BRIP1: variants seen among roughly 807,000 people sequenced by gnomAD.
BRIP1 encodes the protein Fanconi anemia group J protein.
Under a neutral mutation model 119.7 loss-of-function variants are expected in BRIP1, and 88 were observed. The observed-to-expected ratio is 0.74, with a 90% CI of 0.62 to 0.88. The LOEUF is 0.88. Among genes scored for constraint, BRIP1 ranks in the 40% least tolerant of loss-of-function variants. The probability of loss-of-function intolerance (pLI) is 0.00; values close to 1 mark genes in which losing one functional copy is unlikely to be tolerated. For missense variants in BRIP1, 1,259 were observed against 1,455.4 expected (o/e 0.87, Z 2.20); for synonymous variants, 443 against 496.5 (o/e 0.89, Z 1.43).
At position 61,824,283 on chromosome 17, in the gene BRIP1, A is replaced by G. The variant is rs2078372549; in HGVS notation, c.628-15526T>C. Among the ~76,000 whole-genome samples the G allele has an allele frequency of 1.3e-5, 2 of 151,802 alleles. No individual in the cohort carries two copies. Among genetic ancestry groups the G allele is most frequent in the Admixed American group, 1.3e-4 (2 of 15,284 alleles). ...AGCGACGGTTCCTATCAATAACCCA[A>G]TGAAGTTTCTTGCAGAAATAGAAAA... On this transcript the variant is annotated intron_variant, in intron 6 of 19. Transcript: ENST00000259008. The surrounding 1 kb of genome is among the most constrained non-coding windows in gnomAD (Gnocchi z 4.3).
At chr17:61,783,200 A>C (rs1256307429) in intron 11 of BRIP1, among the ~76,000 whole-genome samples, 3 of 152,224 alleles carry the variant, frequency 2.0e-5, no homozygotes, top group Non-Finnish European at 4.4e-5. Context: ...CATACAATGG[A>C]GTATTATTCA....
At chr17:61,784,869 G>A (rs1009116202) in intron 10 of BRIP1, among the ~76,000 whole-genome samples, 1 of 152,126 alleles carries the variant, frequency 6.6e-6, no homozygotes, top group African/African-American at 2.4e-5. Context: ...GCCATGCTTC[G>A]TACAAGCTGC....
chr17:61,801,327 G>A lies in BRIP1; in HGVS notation c.1066C>T (p.Arg356Ter), dbSNP rs730881633. Residue 356 changes from arginine (R) to a stop codon, truncating the protein, a stop_gained, in exon 8 of 20, where the codon CGA (arginine) becomes TGA (stop). Coordinates refer to ENST00000259008, the MANE Select transcript of BRIP1 (RefSeq NM_032043.3). LOFTEE classifies it high-confidence loss of function. ...ATGTCAGCATCTTGTATTAGTTCTC[G>A]GGCTGTGTAATATGGACAGGCCTTT... ...KLKACPYYTA[R>*]ELIQDADIIF... 8 of 1,613,808 alleles carry A rather than the reference G, an allele frequency of 5.0e-6. No homozygotes were observed. The highest frequency in any genetic ancestry group is 4.5e-5 in the East Asian group (2 of 44,886).
At chr17:61,839,794 A>G (rs2078630520) in intron 6 of BRIP1, among the ~76,000 whole-genome samples, 1 of 152,192 alleles carries the variant, frequency 6.6e-6, no homozygotes, top group South Asian at 2.1e-4. Context: ...ATACCACCTA[A>G]AGCCAAGGAA....
intron 4 of BRIP1, among the ~76,000 whole-genome samples, chr17:61,855,932 T>C (rs1603365734): frequency 6.6e-6 from 1 of 152,168 alleles, no homozygotes; most frequent in East Asian, 1.9e-4. Flanking sequence ...GAAGACAGAC[T>C]ATAATAGGAA....
rs1319074402 is a variant in BRIP1 at position 61,786,885 on chromosome 17, A to C, written c.1474-2461T>G. On this transcript the variant is annotated intron_variant, in intron 10 of 19. Transcript: ENST00000259008. ...CATATATGTATTAATATATTAATAT[A>C]TAAATATATTTTATATATAATGTAA... 5.9e-5 allele frequency among the ~76,000 whole-genome samples: 7 copies of C among 119,544 alleles called. No homozygotes were observed. In the Admixed American group the frequency reaches 7.7e-4, roughly 13 times the overall value. 78.4% of individuals were successfully genotyped at this position (119,544 alleles called of 152,430 possible).
chr17:61,836,859 T>C (rs1486629467), intron 6 of BRIP1, among the ~76,000 whole-genome samples: 4 of 152,118 alleles, frequency 2.6e-5, no homozygotes, highest in African/African-American at 9.7e-5. Flanking sequence ...TGAACTGTCA[T>C]CAAAAAGTCA....
At chr17:61,813,422 CT>C (rs2078193219) in intron 6 of BRIP1, among the ~76,000 whole-genome samples, 1 of 151,926 alleles carries the variant, frequency 6.6e-6, no homozygotes. Context: ...TGTAACTTAG[CT>C]TTTTTTAAAC....
rs1263642763 is a variant in BRIP1, at chr17:61,693,251, G to T, written c.2575+179C>A. On this transcript the variant is annotated intron_variant, in intron 18 of 19. Transcript: ENST00000259008. This position sits in a 1 kb window ranked among gnomAD's most constrained non-coding sequence, Gnocchi z 4.2. ...GGCATTGCTGTTCAGTTGGTGTTAAGTTTCAGTTATGTAAGATTTAAAAGT... is the reference window on the plus strand; with the variant it reads ...GGCATTGCTGTTCAGTTGGTGTTAATTTTCAGTTATGTAAGATTTAAAAGT... Among the ~76,000 whole-genome samples, 1 of 152,148 alleles carries T rather than the reference G, an allele frequency of 6.6e-6. No homozygotes were observed. Among genetic ancestry groups the T allele is most frequent in the African/African-American group, 2.4e-5 (1 of 41,450 alleles).
At position 61,859,873 on chromosome 17, in the gene BRIP1, A is replaced by G; in HGVS notation, c.128T>C (p.Leu43Ser). 1 of 1,613,874 alleles carries G rather than the reference A, an allele frequency of 6.2e-7. No individual in the cohort carries two copies. Among genetic ancestry groups the G allele is most frequent in the Admixed American group, 1.7e-5 (1 of 60,018 alleles). The change falls in exon 3 of 20, where the codon TTG (leucine) becomes TCG (serine). Residue 43 changes from leucine to serine, a missense_variant. Physicochemically the swap from Leu to Ser is moderately radical, Grantham distance 145. Transcript: ENST00000259008. ...LRGLNSKQHCLLESPTGSGKS... is the reference protein window; with the variant it reads ...LRGLNSKQHCSLESPTGSGKS... ...TCCACTTCCTGTGGGACTCTCCAAC[A>G]AACAATGTTGCTTGCTGTTTAATCC... is the stretch of plus-strand genomic sequence containing the variant.
chr17:61,691,194 C>A lies in BRIP1; in HGVS notation c.2575+2236G>T, dbSNP rs992418485. On this transcript the variant is annotated intron_variant, in intron 18 of 19. Transcript: ENST00000259008. The surrounding 1 kb of genome is among the most constrained non-coding windows in gnomAD (Gnocchi z 5.0). ...GGGACATGTATACATATGTAACAAA[C>A]CTGCACGTTGTGCACATGTACCCTA... Among the ~76,000 whole-genome samples the A allele has an allele frequency of 6.6e-6, 1 of 151,670 alleles. No homozygotes were observed. The highest frequency in any genetic ancestry group is 1.5e-5 in the Non-Finnish European group (1 of 67,938).
intron 4 of BRIP1, among the ~76,000 whole-genome samples, chr17:61,849,675 G>A (rs1266730617): frequency 2.0e-5 from 3 of 152,144 alleles, no homozygotes; most frequent in South Asian, 2.1e-4. Context: ...CATATAATCT[G>A]TCTTTTAATC....
At position 61,793,138 on chromosome 17, in the gene BRIP1, T is replaced by C. The variant is rs2077844390; in HGVS notation, c.1473+459A>G. ...TATGCAGCCTCTATTTAGAAAAATG[T>C]ACAAAAGGATACGCTCATAAAATTT... is the stretch of plus-strand genomic sequence containing the variant. On this transcript the variant is annotated intron_variant, in intron 10 of 19. Coordinates refer to ENST00000259008, the MANE Select transcript of BRIP1 (RefSeq NM_032043.3). The surrounding 1 kb of genome is among the most constrained non-coding windows in gnomAD (Gnocchi z 5.2). 6.6e-6 allele frequency among the ~76,000 whole-genome samples: 1 copy of C among 152,126 alleles called. No individual in the cohort carries two copies. The highest frequency in any genetic ancestry group is 2.4e-5 in the African/African-American group (1 of 41,446).
intron 11 of BRIP1, among the ~76,000 whole-genome samples, chr17:61,783,498 A>T (rs1232982414): frequency 7.2e-5 from 11 of 152,170 alleles, no homozygotes; most frequent in Admixed American, 7.2e-4. Flanking sequence ...CAACATTGCA[A>T]ATATACTGTA....
rs950141473 is a variant in BRIP1, at chr17:61,847,853, C to T, written c.508-633G>A. On this transcript the variant is annotated intron_variant, in intron 5 of 19. Coordinates refer to ENST00000259008, the MANE Select transcript of BRIP1 (RefSeq NM_032043.3). ...GCATTTCTATTGATAATCTCATTCC[C>T]GCCAAAAATGAAATGAGAACCAGTG... Among the ~76,000 whole-genome samples, 12 of 152,214 alleles carry T rather than the reference C, an allele frequency of 7.9e-5. No homozygotes were observed. The East Asian group carries it at 9.6e-4, about 12-fold the overall frequency.
In BRIP1 at chr17:61,857,860, T is replaced by C. The variant is rs1472817785; in HGVS notation, c.206-629A>G. Among the ~76,000 whole-genome samples the C allele has an allele frequency of 6.6e-6, 1 of 152,194 alleles. No individual in the cohort carries two copies. The highest frequency in any genetic ancestry group is 1.5e-5 in the Non-Finnish European group (1 of 68,040). ...CATTTATATTAAGATTTATCTAAAA[T>C]TCAAGAATGGATTGAAACAAGGACA... On this transcript the variant is annotated intron_variant, in intron 3 of 19. Transcript: ENST00000259008. This position sits in a 1 kb window ranked among gnomAD's most constrained non-coding sequence, Gnocchi z 5.1.
intron 6 of BRIP1, among the ~76,000 whole-genome samples, chr17:61,829,095 C>T (rs2078451403): frequency 6.6e-6 from 1 of 151,832 alleles, no homozygotes; most frequent in South Asian, 2.1e-4. Context: ...CAAATAGTAA[C>T]CACAGTGATA....
chr17:61,733,359 A>T (rs901241710), intron 16 of BRIP1, among the ~76,000 whole-genome samples: 37 of 151,760 alleles, frequency 2.4e-4, no homozygotes, highest in African/African-American at 4.1e-4. Context: ...CTCAAAAAAA[A>T]TTTTTTTTTA....
chr17:61,769,414 G>T lies in BRIP1; in HGVS notation c.2097+6987C>A, dbSNP rs1294359507. Among the ~76,000 whole-genome samples the T allele has an allele frequency of 6.6e-6, 1 of 151,958 alleles. No homozygotes were observed. Among genetic ancestry groups the T allele is most frequent in the Non-Finnish European group, 1.5e-5 (1 of 68,010 alleles). On this transcript the variant is annotated intron_variant, in intron 14 of 19. Coordinates refer to ENST00000259008, the MANE Select transcript of BRIP1 (RefSeq NM_032043.3). This position sits in a 1 kb window ranked among gnomAD's most constrained non-coding sequence, Gnocchi z 4.9. Reference sequence around the variant, plus strand: ...ATGTAGGCTTTCTGTCTTCTGCATGGTCAGTATCAAACCCCTCTGAAATGA... The same window carrying T: ...ATGTAGGCTTTCTGTCTTCTGCATGTTCAGTATCAAACCCCTCTGAAATGA...
Sources: gnomAD v4.1 joint callset for allele counts (sites outside exome capture counted in the v4.1 genomes callset) on GRCh38, gnomAD v4.1.1 for gene constraint, Gnocchi (gnomAD v3.1) non-coding constraint, MANE v1.5 for transcripts, NCBI Gene and HGNC (gene_info 2026-07-23, HGNC 2026-07-21) for gene names.